PTPRD: variants seen among roughly 807,000 people sequenced by gnomAD.
PTPRD encodes protein tyrosine phosphatase receptor type D, also known as receptor-type tyrosine-protein phosphatase delta.
In PTPRD, 34 loss-of-function variants were observed where a neutral mutation model predicts 214.5. That is an observed-to-expected ratio of 0.16 (90% CI 0.12 to 0.21). PTPRD has a LOEUF of 0.21. PTPRD is among the 10% of genes least tolerant of loss of function. The pLI is 1.00. For synonymous variants in PTPRD, 1,128 were observed against 845.7 expected (o/e 1.33, Z -5.79); for missense variants, 2,545 against 2,398.7 (o/e 1.06, Z -1.27).
intron 11 of PTPRD, among the ~76,000 whole-genome samples, chr9:8,830,110 T>C (rs1423497955): frequency 6.6e-6 from 1 of 152,180 alleles, no homozygotes; most frequent in Non-Finnish European, 1.5e-5. Context: ...TTTAATGTTT[T>C]AAGCATCACT....
Position 9,725,011 on chromosome 9 carries a change from A to G in PTPRD, c.-287+9522T>C, listed in dbSNP as rs117722925. ...CTGCATTCCCTACTTTGTCACCCAC[A>G]TTATCAAGAGGGAAACAGGAAGATT... is the stretch of plus-strand genomic sequence containing the variant. On this transcript the variant is annotated intron_variant, in intron 7 of 45. Coordinates refer to ENST00000381196, the MANE Select transcript of PTPRD (RefSeq NM_002839.4). Among the ~76,000 whole-genome samples, 177 of 152,246 alleles carry G rather than the reference A, an allele frequency of 1.2e-3. 4 individuals carry two copies. In the East Asian group the frequency reaches 0.03, roughly 25 times the overall value.
At chr9:8,614,588 G>T (rs1027967745) in intron 14 of PTPRD, among the ~76,000 whole-genome samples, 38 of 152,082 alleles carry the variant, frequency 2.5e-4, no homozygotes, top group African/African-American at 8.5e-4. Context: ...GCCCTACAAT[G>T]TAGAATCCTA....
chr9:10,139,296 A>G (rs1317107846), intron 3 of PTPRD, among the ~76,000 whole-genome samples: 17 of 152,156 alleles, frequency 1.1e-4, no homozygotes, highest in Non-Finnish European at 1.9e-4. Flanking sequence ...ATGAAAAAAA[A>G]ATGCCCAGGA....
intron 4 of PTPRD, among the ~76,000 whole-genome samples, chr9:9,957,208 C>A (rs893265621): frequency 9.2e-5 from 14 of 152,204 alleles, no homozygotes; most frequent in Non-Finnish European, 2.1e-4. Context: ...CTACTAACAT[C>A]CATGGGAACA....
chr9:8,896,210 C>T (rs2098609282), intron 11 of PTPRD, among the ~76,000 whole-genome samples: 1 of 152,160 alleles, frequency 6.6e-6, no homozygotes, highest in Non-Finnish European at 1.5e-5. Flanking sequence ...AAAGCCTGCT[C>T]ACATAAATAT....
chr9:10,404,336 T>C (rs2382208), intron 2 of PTPRD, among the ~76,000 whole-genome samples: 123,007 of 151,720 alleles, frequency 0.81, 50,155 homozygotes, highest in East Asian at 0.89. Context: ...TAGGTGATTT[T>C]TTGACTTTTT....
At chr9:8,385,938 T>C (rs2086855598) in intron 37 of PTPRD, among the ~76,000 whole-genome samples, 1 of 152,188 alleles carries the variant, frequency 6.6e-6, no homozygotes, top group South Asian at 2.1e-4. Flanking sequence ...TTGGTCAGGA[T>C]TCATCGTCAA....
intron 9 of PTPRD, among the ~76,000 whole-genome samples, chr9:9,352,310 C>CATATATAT (rs35015743): frequency 7.1e-6 from 1 of 140,970 alleles, no homozygotes; most frequent in African/African-American, 2.8e-5. Flanking sequence ...GCCAAAAAAC[C>CATATATAT]ATATATATAT....
At chr9:10,557,967 CAT>C (rs956193627) in intron 2 of PTPRD, among the ~76,000 whole-genome samples, 3 of 152,148 alleles carry the variant, frequency 2.0e-5, no homozygotes, top group African/African-American at 4.8e-5. Flanking sequence ...GAGCCCAACA[CAT>C]GTGCTCTGTT....
intron 4 of PTPRD, among the ~76,000 whole-genome samples, chr9:9,960,901 A>T (rs572876632): frequency 6.6e-6 from 1 of 152,270 alleles, no homozygotes; most frequent in South Asian, 2.1e-4. Context: ...AAATTTTTGC[A>T]ATCTACTCAT....
chr9:10,485,449 G>C (rs1287625325), intron 2 of PTPRD, among the ~76,000 whole-genome samples: 1 of 152,098 alleles, frequency 6.6e-6, no homozygotes, highest in East Asian at 1.9e-4. Flanking sequence ...ATTACTATGG[G>C]TTGTATGGAC....
intron 8 of PTPRD, among the ~76,000 whole-genome samples, chr9:9,543,429 A>C (rs1019763930): frequency 2.6e-5 from 4 of 151,658 alleles, no homozygotes; most frequent in Non-Finnish European, 5.9e-5. Context: ...TCTGGGCTTC[A>C]CATTATATCA....
At chr9:8,808,316 C>A (rs1046622125) in intron 11 of PTPRD, among the ~76,000 whole-genome samples, 1 of 152,002 alleles carries the variant, frequency 6.6e-6, no homozygotes, top group Admixed American at 6.6e-5. Flanking sequence ...AATCCTACTC[C>A]GTGCAGACAC....
chr9:8,425,420 T>C (rs1194286835), intron 35 of PTPRD, among the ~76,000 whole-genome samples: 2 of 147,136 alleles, frequency 1.4e-5, no homozygotes, highest in Non-Finnish European at 3.0e-5. Flanking sequence ...TAATCACCTT[T>C]CACACCTCAC....
intron 3 of PTPRD, among the ~76,000 whole-genome samples, chr9:10,287,824 T>C (rs2095409623): frequency 6.6e-6 from 1 of 152,144 alleles, no homozygotes; most frequent in African/African-American, 2.4e-5. Flanking sequence ...AAGAAATTAT[T>C]GTCCAATCGT....
At chr9:8,523,450 T>C in intron 19 of PTPRD, 63 bp downstream of exon 19, 1 of 1,556,252 alleles carries the variant, frequency 6.4e-7, no homozygotes, top group Non-Finnish European at 8.8e-7. Context: ...TTCATTTGTA[T>C]TCTTTGTTAT....
intron 10 of PTPRD, among the ~76,000 whole-genome samples, chr9:9,168,244 C>T (rs1448786658): frequency 1.3e-5 from 2 of 152,142 alleles, no homozygotes; most frequent in Admixed American, 6.5e-5. Flanking sequence ...GGTTACTTAC[C>T]CTTCTTCTAG....
chr9:8,981,655 C>A (rs2099313369), intron 11 of PTPRD, among the ~76,000 whole-genome samples: 2 of 151,954 alleles, frequency 1.3e-5, no homozygotes, highest in Non-Finnish European at 2.9e-5. Context: ...AAAAAGGAGA[C>A]TGGGCTGGGC....
intron 11 of PTPRD, among the ~76,000 whole-genome samples, chr9:8,773,175 C>T (rs973587126): frequency 2.0e-5 from 3 of 152,138 alleles, no homozygotes; most frequent in African/African-American, 7.2e-5. Context: ...TTTCCCCAGC[C>T]TTGGGTAGTT....
Sources: allele counts gnomAD v4.1 joint callset (sites outside exome capture counted in the v4.1 genomes callset), GRCh38; gene constraint gnomAD v4.1.1; transcripts MANE v1.5; gene names NCBI Gene and HGNC (gene_info 2026-07-23, HGNC 2026-07-21).